Variants in GID8 observed in about 807,000 individuals in gnomAD.
The protein encoded by GID8 is GID complex subunit 8 homolog.
A neutral mutation model predicts 27.4 loss-of-function variants in GID8; 6 were observed. The observed-to-expected ratio is 0.22, with a 90% CI of 0.12 to 0.43. The LOEUF (loss-of-function observed/expected upper bound fraction) is 0.43, where lower values mean the gene tolerates loss of function less well. Among genes scored for constraint, GID8 ranks in the 20% least tolerant of loss-of-function variants. The pLI is 1.00. For missense variants in GID8, 173 were observed against 287.6 expected, an observed-to-expected ratio of 0.60 and a Z score of 2.88; for synonymous variants, 112 against 109.0, an observed-to-expected ratio of 1.03 and a Z score of -0.17.
chr20:62,946,067 G>A lies in GID8; in HGVS notation c.*1155G>A, dbSNP rs889240028. The A allele has an allele frequency of 3.2e-6, 4 of 1,252,916 alleles. No individual in the cohort carries two copies. In the African/African-American group the frequency reaches 6.1e-5, roughly 19 times the overall value. The allele number at this position is 1,252,916 out of a possible 1,614,324, so 77.6% of individuals were successfully genotyped here. A position where few individuals can be genotyped will look rare whatever the true frequency, so the allele number is the denominator to read the frequency against. On this transcript the variant is annotated 3_prime_UTR_variant, in exon 5 of 5. Coordinates refer to ENST00000266069, the MANE Select transcript of GID8 (RefSeq NM_017896.3). ...ACATGGCCTTGTAGCTCTGGGCACA[G>A]ATGTGTTTGGATTCATTGCAGCGGA...
At chr20:62,944,082 C>G (rs2065455528) in intron 4 of GID8, among the ~76,000 whole-genome samples, 1 of 152,160 alleles carries the variant, frequency 6.6e-6, no homozygotes, top group Non-Finnish European at 1.5e-5. Flanking sequence ...GTGATCCAGT[C>G]TCCCAAAGTA....
intron 2 of GID8, among the ~76,000 whole-genome samples, chr20:62,942,373 G>T (rs2065447400): frequency 6.6e-6 from 1 of 152,136 alleles, no homozygotes; most frequent in Admixed American, 6.5e-5. Context: ...GATCACTTAA[G>T]CCCGGAAGGC....
At chr20:62,940,494 C>T (rs1200640968) in intron 1 of GID8, among the ~76,000 whole-genome samples, 5 of 152,146 alleles carry the variant, frequency 3.3e-5, no homozygotes, top group African/African-American at 1.2e-4. Context: ...GGACTACAGG[C>T]GCCCGCCACC....
Position 62,947,021 on chromosome 20 carries a change from G to T in GID8, c.*2109G>T, listed in dbSNP as rs1239748470. 1 of 152,262 alleles carries T rather than the reference G, an allele frequency of 6.6e-6. No homozygotes were observed. Among genetic ancestry groups the T allele is most frequent in the Non-Finnish European group, 1.5e-5 (1 of 68,048 alleles). The allele number at this position is 152,262 out of a possible 1,614,324, so 9.4% of individuals were successfully genotyped here. A position where few individuals can be genotyped will look rare whatever the true frequency, so the allele number is the denominator to read the frequency against. The stretch of plus-strand genomic sequence containing the variant: ...GGGGAACACAAATGGGGTCATTCAC[G>T]TGCCTGGACTGTCACTATGTGGCTG... On this transcript the variant is annotated 3_prime_UTR_variant, in exon 5 of 5. Coordinates refer to ENST00000266069, the MANE Select transcript of GID8 (RefSeq NM_017896.3).
At chr20:62,941,234 C>G (rs1036271189) in intron 1 of GID8, among the ~76,000 whole-genome samples, 1 of 152,240 alleles carries the variant, frequency 6.6e-6, no homozygotes, top group Non-Finnish European at 1.5e-5. Flanking sequence ...GAGGAGCACA[C>G]ATGTTCAGCT....
At chr20:62,941,726 C>G (rs1220337966) in intron 2 of GID8, 106 bp downstream of exon 2, 2 of 737,716 alleles carry the variant, frequency 2.7e-6, no homozygotes, top group East Asian at 5.0e-5. Flanking sequence ...TATTTGTGTT[C>G]AGACATTATG....
chr20:62,941,762 T>G, intron 2 of GID8, 142 bp downstream of exon 2: 1 of 637,804 alleles, frequency 1.6e-6, no homozygotes, highest in Non-Finnish European at 2.8e-6. Flanking sequence ...CCTGGTAAGT[T>G]TGGAAGTTAT....
chr20:62,942,927 A>G (rs1196045228), intron 2 of GID8, 60 bp from the exon 3 acceptor site: 1 of 1,284,750 alleles, frequency 7.8e-7, no homozygotes, highest in African/African-American at 1.5e-5. Context: ...TGGAGATACA[A>G]AGTCTTTGCC....
chr20:62,947,411 A>G lies in GID8; in HGVS notation c.*2499A>G, dbSNP rs1478414623. On this transcript the variant is annotated 3_prime_UTR_variant, in exon 5 of 5. Transcript: ENST00000266069. ...CACTTTGGGATAATGAACATTCAGT[A>G]TAATTCTACTTTGTCTCATTTTGGA... 3.9e-5 allele frequency: 6 copies of G among 152,506 alleles called. No homozygotes were observed. Among genetic ancestry groups the G allele is most frequent in the Non-Finnish European group, 2.9e-5 (2 of 68,044 alleles). 9.4% of individuals were successfully genotyped at this position (152,506 alleles called of 1,614,324 possible).
At position 62,946,556 on chromosome 20, in the gene GID8, G is replaced by C. The variant is rs2065467324; in HGVS notation, c.*1644G>C. On this transcript the variant is annotated 3_prime_UTR_variant, in exon 5 of 5. Coordinates refer to ENST00000266069, the MANE Select transcript of GID8 (RefSeq NM_017896.3). The stretch of plus-strand genomic sequence containing the variant: ...TATATAATCCAGTAAGAGATGCAAA[G>C]ATAAAATTGCTGCGGTTGTTACAGA... The C allele has an allele frequency of 6.5e-6, 1 of 152,794 alleles. No individual in the cohort carries two copies. The highest frequency in any genetic ancestry group is 6.5e-5 in the Admixed American group (1 of 15,344). 9.5% of individuals were successfully genotyped at this position (152,794 alleles called of 1,614,324 possible).
intron 1 of GID8, among the ~76,000 whole-genome samples, chr20:62,941,023 C>G (rs2065441018): frequency 6.6e-6 from 1 of 152,256 alleles, no homozygotes; most frequent in African/African-American, 2.4e-5. Flanking sequence ...CAAAACCCAT[C>G]TGCCCAAGGG....
chr20:62,943,404 G>A lies in GID8; in HGVS notation c.316-91G>A, dbSNP rs1454927388. ...GAGATGCAAGAAAAGTCTTCCCTCT[G>A]TGATGTACTTTTGATTGGGACCTGG... On this transcript the variant is annotated intron_variant, in intron 3 of 4. Coordinates refer to ENST00000266069, the MANE Select transcript of GID8 (RefSeq NM_017896.3). The surrounding 1 kb of genome is among the most constrained non-coding windows in gnomAD (Gnocchi z 4.7). 32 of 1,233,066 alleles carry A rather than the reference G, an allele frequency of 2.6e-5. No homozygotes were observed. Among genetic ancestry groups the A allele is most frequent in the Admixed American group, 1.1e-4 (6 of 54,652 alleles). The allele number at this position is 1,233,066 out of a possible 1,614,324, so 76.4% of individuals were successfully genotyped here.
At position 62,946,175 on chromosome 20, in the gene GID8, C is replaced by T. The variant is rs1237381390; in HGVS notation, c.*1263C>T. 5 of 474,952 alleles carry T rather than the reference C, an allele frequency of 1.1e-5. No homozygotes were observed. The highest frequency in any genetic ancestry group is 3.5e-5 in the Admixed American group (1 of 28,674). The allele number at this position is 474,952 out of a possible 1,614,324, so 29.4% of individuals were successfully genotyped here. A position where few individuals can be genotyped will look rare whatever the true frequency, so the allele number is the denominator to read the frequency against. On this transcript the variant is annotated 3_prime_UTR_variant, in exon 5 of 5. Transcript: ENST00000266069. ...GTGGAATTGCTGACCCATCCAAGGGCGTCCTTTGGAGCCAGTGGAGCCTGC... is the reference window on the plus strand; with the variant it reads ...GTGGAATTGCTGACCCATCCAAGGGTGTCCTTTGGAGCCAGTGGAGCCTGC...
In GID8 at chr20:62,943,362, G is replaced by A; in HGVS notation, c.316-133G>A. 4 of 1,027,220 alleles carry A rather than the reference G, an allele frequency of 3.9e-6. No homozygotes were observed. The highest frequency in any genetic ancestry group is 5.7e-6 in the Non-Finnish European group (4 of 698,472). 63.6% of individuals were successfully genotyped at this position (1,027,220 alleles called of 1,614,324 possible). On this transcript the variant is annotated intron_variant, in intron 3 of 4. Coordinates refer to ENST00000266069, the MANE Select transcript of GID8 (RefSeq NM_017896.3). This position sits in a 1 kb window ranked among gnomAD's most constrained non-coding sequence, Gnocchi z 4.7. ...AGAAGCGGTTTTTTGTTTTAAAAAT[G>A]CAAATTTGATAACTCAGAGATGCAA...
At chr20:62,942,732 C>T (rs766954025) in intron 2 of GID8, among the ~76,000 whole-genome samples, 4 of 152,222 alleles carry the variant, frequency 2.6e-5, no homozygotes, top group Non-Finnish European at 5.9e-5. Context: ...GGCCAGCAGC[C>T]ATTCTGACCT....
At chr20:62,939,755 C>G (rs2065431269) in intron 1 of GID8, among the ~76,000 whole-genome samples, 1 of 152,206 alleles carries the variant, frequency 6.6e-6, no homozygotes, top group Non-Finnish European at 1.5e-5. Flanking sequence ...TGGGTGTCTC[C>G]CTAAGGGACT....
At position 62,946,178 on chromosome 20, in the gene GID8, C is replaced by G; in HGVS notation, c.*1266C>G. The G allele has an allele frequency of 2.2e-6, 1 of 445,686 alleles. No individual in the cohort carries two copies. The allele number at this position is 445,686 out of a possible 1,614,324, so 27.6% of individuals were successfully genotyped here. A position where few individuals can be genotyped will look rare whatever the true frequency, so the allele number is the denominator to read the frequency against. On this transcript the variant is annotated 3_prime_UTR_variant, in exon 5 of 5. Transcript: ENST00000266069. ...GAATTGCTGACCCATCCAAGGGCGT[C>G]CTTTGGAGCCAGTGGAGCCTGCCGG...
rs1286684782 is a variant in GID8 at position 62,943,729 on chromosome 20, C to G, written c.513+37C>G. ...CAGAGGGAAGCTTTCTTCCATTCCC[C>G]ATGTGCTCTGAGGGGGCTTCGTGAC... On this transcript the variant is annotated intron_variant, in intron 4 of 4. Transcript: ENST00000266069. This position sits in a 1 kb window ranked among gnomAD's most constrained non-coding sequence, Gnocchi z 4.7. The G allele has an allele frequency of 3.3e-6, 5 of 1,530,094 alleles. No individual in the cohort carries two copies. The Admixed American group carries it at 8.4e-5, about 26-fold the overall frequency. The allele number at this position is 1,530,094 out of a possible 1,614,324, so 94.8% of individuals were successfully genotyped here. A position where few individuals can be genotyped will look rare whatever the true frequency, so the allele number is the denominator to read the frequency against.
chr20:62,946,005 T>A lies in GID8; in HGVS notation c.*1093T>A, dbSNP rs1463206192. The A allele has an allele frequency of 7.8e-7, 1 of 1,289,156 alleles. No individual in the cohort carries two copies. The highest frequency in any genetic ancestry group is 1.5e-5 in the African/African-American group (1 of 65,872). 79.9% of individuals were successfully genotyped at this position (1,289,156 alleles called of 1,614,324 possible). A position where few individuals can be genotyped will look rare whatever the true frequency, so the allele number is the denominator to read the frequency against. ...GGGCAGGAGGGAAGTGGTGCAGGGC[T>A]GCGTGCATTGCCTGCGAGTCGGGAC... On this transcript the variant is annotated 3_prime_UTR_variant, in exon 5 of 5. Coordinates refer to ENST00000266069, the MANE Select transcript of GID8 (RefSeq NM_017896.3).
Sources: gnomAD v4.1 joint callset for allele counts (sites outside exome capture counted in the v4.1 genomes callset) on GRCh38, gnomAD v4.1.1 for gene constraint, Gnocchi (gnomAD v3.1) non-coding constraint, MANE v1.5 for transcripts, NCBI Gene and HGNC (gene_info 2026-07-23, HGNC 2026-07-21) for gene names.